GLCCI1: variants seen among roughly 807,000 people sequenced by gnomAD.
GLCCI1 encodes glucocorticoid-induced transcript 1 protein.
A neutral mutation model predicts 52.2 loss-of-function variants in GLCCI1; 24 were observed. The ratio of observed to expected loss-of-function variants is 0.46; its 90% CI spans 0.33 to 0.65. The LOEUF is 0.65. GLCCI1 is among the 30% of genes least tolerant of loss of function. The pLI, the probability that GLCCI1 is intolerant of heterozygous loss-of-function variation, is 0.02. For synonymous variants in GLCCI1, 310 were observed against 276.5 expected, an observed-to-expected ratio of 1.12 and a Z score of -1.20; for missense variants, 704 against 701.5, an observed-to-expected ratio of 1.00 and a Z score of -0.04.
intron 1 of GLCCI1, among the ~76,000 whole-genome samples, chr7:7,994,434 T>A (rs1006548373): frequency 6.6e-6 from 1 of 152,226 alleles, no homozygotes; most frequent in African/African-American, 2.4e-5. Flanking sequence ...TTCACAATTC[T>A]GGAGAGTGGG....
At chr7:8,013,297 C>T (rs944841223) in intron 2 of GLCCI1, among the ~76,000 whole-genome samples, 1 of 151,746 alleles carries the variant, frequency 6.6e-6, no homozygotes, top group East Asian at 1.9e-4. Context: ...AGGTGATATC[C>T]AGCTTTATTT....
At chr7:8,036,457 A>G (rs184160190) in intron 3 of GLCCI1, among the ~76,000 whole-genome samples, 1 of 152,352 alleles carries the variant, frequency 6.6e-6, no homozygotes, top group East Asian at 1.9e-4. Flanking sequence ...GTTTATCCAG[A>G]TGAGAAGGAA....
At chr7:8,047,800 G>T (rs1023314636) in intron 3 of GLCCI1, among the ~76,000 whole-genome samples, 4 of 152,178 alleles carry the variant, frequency 2.6e-5, no homozygotes, top group African/African-American at 7.2e-5. Context: ...AAGTTCTTCT[G>T]CCCATGATAG....
At chr7:8,078,016 C>T (rs1225763472) in intron 6 of GLCCI1, among the ~76,000 whole-genome samples, 5 of 151,998 alleles carry the variant, frequency 3.3e-5, no homozygotes, top group Middle Eastern at 3.4e-3. Context: ...AGGCGGATAA[C>T]GAGGTCAGGA....
At chr7:8,006,268 T>C (rs1781147072) in intron 2 of GLCCI1, among the ~76,000 whole-genome samples, 1 of 152,044 alleles carries the variant, frequency 6.6e-6, no homozygotes, top group Non-Finnish European at 1.5e-5. Context: ...TAAAGAGAGG[T>C]CATGGTGATT....
At chr7:8,008,325 G>T (rs151103864) in intron 2 of GLCCI1, among the ~76,000 whole-genome samples, 1,685 of 141,234 alleles carry the variant, frequency 0.012, 31 homozygotes, top group Middle Eastern at 0.046. Context: ...TTGTTCTGTT[G>T]CCCAGGCTGG....
intron 6 of GLCCI1, among the ~76,000 whole-genome samples, chr7:8,083,264 C>T (rs1783036012): frequency 6.6e-6 from 1 of 152,016 alleles, no homozygotes; most frequent in Non-Finnish European, 1.5e-5. Flanking sequence ...TATTTTTGAT[C>T]TCATATATTT....
chr7:8,020,033 A>AT (rs1199996345), intron 2 of GLCCI1, among the ~76,000 whole-genome samples: 2 of 152,294 alleles, frequency 1.3e-5, no homozygotes, highest in East Asian at 1.9e-4. Context: ...TTACCATAAC[A>AT]TTTTTACTTC....
Position 8,087,353 on chromosome 7 carries a change from T to A in GLCCI1, c.*815T>A, listed in dbSNP as rs1454401412. 6.6e-6 allele frequency: 1 copy of A among 152,658 alleles called. No individual in the cohort carries two copies. The highest frequency in any genetic ancestry group is 2.4e-5 in the African/African-American group (1 of 41,454). The allele number at this position is 152,658 out of a possible 1,614,324, so 9.5% of individuals were successfully genotyped here. On this transcript the variant is annotated 3_prime_UTR_variant, in exon 8 of 8. Coordinates refer to ENST00000223145, the MANE Select transcript of GLCCI1 (RefSeq NM_138426.4). ...TTCACTGTTTCAACATGTGTACATG[T>A]GGCTTTTTTAAAAGTTCAGGTGTTG...
chr7:8,002,967 C>T (rs139504797), intron 1 of GLCCI1, among the ~76,000 whole-genome samples: 298 of 152,226 alleles, frequency 2.0e-3, no homozygotes, highest in African/African-American at 6.8e-3. Flanking sequence ...TACCTCTGTC[C>T]CTTGTTTGCA....
intron 2 of GLCCI1, among the ~76,000 whole-genome samples, chr7:8,011,329 G>A (rs924897025): frequency 6.6e-6 from 1 of 152,084 alleles, no homozygotes; most frequent in South Asian, 2.1e-4. Context: ...CCAGCCTCTG[G>A]TAGCCATCAT....
At chr7:8,020,147 T>TTTTA (rs1007208373) in intron 2 of GLCCI1, among the ~76,000 whole-genome samples, 1 of 152,164 alleles carries the variant, frequency 6.6e-6, no homozygotes, top group African/African-American at 2.4e-5. Flanking sequence ...TTCTGTAAGC[T>TTTTA]TTTATTTATT....
intron 4 of GLCCI1, chr7:8,055,784 T>G (rs1562444161): frequency 3.3e-6 from 1 of 302,548 alleles, no homozygotes; most frequent in African/African-American, 2.3e-5. Flanking sequence ...GGTCAGGAGA[T>G]CAAGACCATC....
intron 3 of GLCCI1, among the ~76,000 whole-genome samples, chr7:8,050,507 A>G (rs1019966812): frequency 1.3e-5 from 2 of 152,212 alleles, no homozygotes; most frequent in Non-Finnish European, 2.9e-5. Context: ...TGATCTTTAT[A>G]AACATTAAAG....
intron 1 of GLCCI1, among the ~76,000 whole-genome samples, chr7:7,983,513 G>T (rs1456952463): frequency 2.0e-5 from 3 of 152,012 alleles, no homozygotes; most frequent in African/African-American, 7.2e-5. Context: ...AATTTTGGTG[G>T]ATATCTGTGC....
At chr7:8,074,312 A>G (rs1782828009) in intron 6 of GLCCI1, among the ~76,000 whole-genome samples, 1 of 152,150 alleles carries the variant, frequency 6.6e-6, no homozygotes, top group African/African-American at 2.4e-5. Flanking sequence ...AAATTTTACA[A>G]TTTCTGGAAC....
intron 3 of GLCCI1, among the ~76,000 whole-genome samples, chr7:8,050,523 C>G (rs766981397): frequency 2.6e-5 from 4 of 151,992 alleles, no homozygotes; most frequent in African/African-American, 9.7e-5. Context: ...TAAAGTTTGT[C>G]GTATATTTCC....
chr7:8,008,000 TG>T (rs1781190981), intron 2 of GLCCI1, among the ~76,000 whole-genome samples: 1 of 152,176 alleles, frequency 6.6e-6, no homozygotes, highest in East Asian at 1.9e-4. Context: ...ATATTAATGG[TG>T]TACAGCATGG....
At chr7:8,077,414 C>T (rs1782897167) in intron 6 of GLCCI1, among the ~76,000 whole-genome samples, 1 of 152,164 alleles carries the variant, frequency 6.6e-6, no homozygotes, top group African/African-American at 2.4e-5. Context: ...GTCAGCTCCT[C>T]ACATCTCTAA....
Sources: gnomAD v4.1 joint callset for allele counts (sites outside exome capture counted in the v4.1 genomes callset) on GRCh38, gnomAD v4.1.1 for gene constraint, MANE v1.5 for transcripts, NCBI Gene and HGNC (gene_info 2026-07-23, HGNC 2026-07-21) for gene names.